The following DENND4B variants were observed in gnomAD, a reference collection of about 807,000 sequenced individuals.
The protein encoded by DENND4B is DENN domain containing 4B.
A neutral mutation model predicts 161.0 loss-of-function variants in DENND4B; 67 were observed. The ratio of observed to expected loss-of-function variants is 0.42; its 90% CI spans 0.34 to 0.51. The LOEUF is 0.51. DENND4B is among the 20% of genes least tolerant of loss of function. The probability of loss-of-function intolerance (pLI) is 0.08; values close to 1 mark genes in which losing one functional copy is unlikely to be tolerated. For missense variants in DENND4B, 1,481 were observed against 1,968.0 expected, an observed-to-expected ratio of 0.75 and a Z score of 4.68; for synonymous variants, 753 against 813.8, an observed-to-expected ratio of 0.93 and a Z score of 1.27.
chr1:153,941,817 G>A, intron 6 of DENND4B, 52 bp downstream of exon 6: 1 of 1,544,626 alleles, frequency 6.5e-7, no homozygotes, highest in Non-Finnish European at 8.7e-7. Context: ...ATCTCTCCTG[G>A]CCCCCTTATC....
In DENND4B at chr1:153,936,840, G is replaced by T; in HGVS notation, c.2233-92C>A. ...TATTTATTTATGACGGTCTCGCTCT[G>T]TCACCCAGGCTGGAGTGCAGTGGCG... On this transcript the variant is annotated intron_variant, in intron 15 of 27. Transcript: ENST00000361217. This position sits in a 1 kb window ranked among gnomAD's most constrained non-coding sequence, Gnocchi z 4.1. 7.7e-7 allele frequency: 1 copy of T among 1,303,178 alleles called. No individual in the cohort carries two copies. The highest frequency in any genetic ancestry group is 1.0e-6 in the Non-Finnish European group (1 of 980,406). 80.7% of individuals were successfully genotyped at this position (1,303,178 alleles called of 1,614,324 possible).
In DENND4B at chr1:153,933,098, C is replaced by T. The variant is rs767966211; in HGVS notation, c.3454-68G>A. 5.0e-6 allele frequency: 8 copies of T among 1,610,190 alleles called. No homozygotes were observed. The highest frequency in any genetic ancestry group is 6.8e-6 in the Non-Finnish European group (8 of 1,177,308). On this transcript the variant is annotated intron_variant, in intron 21 of 27. Transcript: ENST00000361217. The surrounding 1 kb of genome is among the most constrained non-coding windows in gnomAD (Gnocchi z 5.7). The stretch of plus-strand genomic sequence containing the variant: ...CAGCACTCTGGAGCCCATGCCCCTT[C>T]CCCAGCCCCTCCCACCTCCTCCCCA...
At position 153,944,200 on chromosome 1, in the gene DENND4B, C is replaced by T. The variant is rs533644708; in HGVS notation, c.175G>A (p.Glu59Lys). The change falls in exon 2 of 28, where the codon GAG becomes AAG. Residue 59 changes from glutamate to lysine, a missense_variant. Physicochemically the swap from Glu to Lys is moderately conservative, Grantham distance 56. Coordinates refer to ENST00000361217, the MANE Select transcript of DENND4B (RefSeq NM_014856.3). The surrounding 1 kb of genome is among the most constrained non-coding windows in gnomAD (Gnocchi z 4.8). ...DVAVIARALG[E>K]EVPQGYTCIQ... ...CATGTGTAGCCCTGGGGCACTTCCT[C>T]GCCCAGTGCCCTAGCGATGACTGCC... 3.7e-6 allele frequency: 6 copies of T among 1,610,752 alleles called. No individual in the cohort carries two copies. Among genetic ancestry groups the T allele is most frequent in the African/African-American group, 2.7e-5 (2 of 74,952 alleles).
Position 153,930,368 on chromosome 1 carries a change from G to A in DENND4B, c.4420C>T (p.Arg1474Trp), listed in dbSNP as rs922096092. 20 of 1,613,876 alleles carry A rather than the reference G, an allele frequency of 1.2e-5. No individual in the cohort carries two copies. Among genetic ancestry groups the A allele is most frequent in the Non-Finnish European group, 1.6e-5 (19 of 1,179,900 alleles). Residue 1474 changes from arginine to tryptophan, a missense_variant, in exon 28 of 28, where the codon CGG becomes TGG. Around this residue, in one of 3 missense-constraint regions of DENND4B, gnomAD observed 336 missense variants for 503.3 expected, o/e 0.67. Coordinates refer to ENST00000361217, the MANE Select transcript of DENND4B (RefSeq NM_014856.3). This position sits in a 1 kb window ranked among gnomAD's most constrained non-coding sequence, Gnocchi z 4.7. Reference protein sequence around the residue: ...SSMGKEELRHRRAQMPTPKAI... With the variant: ...SSMGKEELRHWRAQMPTPKAI... ...TTGGGAGTGGGCATCTGCGCCCGCC[G>A]GTGCCTCAGCTCCTCCTTGCCCATG...
rs770832731 is a variant in DENND4B at position 153,944,376 on chromosome 1, G to GC, written c.-3dup. On this transcript the variant is annotated 5_prime_UTR_variant, in exon 2 of 28. Coordinates refer to ENST00000361217, the MANE Select transcript of DENND4B (RefSeq NM_014856.3). The surrounding 1 kb of genome is among the most constrained non-coding windows in gnomAD (Gnocchi z 4.8). ...CCGGGGGGGCCGCTCCTCCGCCATG[G>GC]CCCCCCCCTCACTCACTGCATCTGG... 1.1e-4 allele frequency: 176 copies of GC among 1,599,312 alleles called. No homozygotes were observed. The highest frequency in any genetic ancestry group is 1.4e-4 in the Admixed American group (8 of 58,130).
chr1:153,940,392 C>T lies in DENND4B; in HGVS notation c.1502+39G>A. On this transcript the variant is annotated intron_variant, in intron 10 of 27. Transcript: ENST00000361217. This position sits in a 1 kb window ranked among gnomAD's most constrained non-coding sequence, Gnocchi z 5.6. ...CTCCACACACTAGCCCATTCCTGCC[C>T]ACCACCCTGCAGCCCCCAAATGAGA... 6.2e-7 allele frequency: 1 copy of T among 1,600,386 alleles called. No homozygotes were observed. The highest frequency in any genetic ancestry group is 8.5e-7 in the Non-Finnish European group (1 of 1,172,874).
Position 153,933,445 on chromosome 1 carries a change from C to G in DENND4B, c.3330+38G>C. The G allele has an allele frequency of 1.3e-6, 2 of 1,588,940 alleles. No individual in the cohort carries two copies. Among genetic ancestry groups the G allele is most frequent in the Non-Finnish European group, 1.7e-6 (2 of 1,167,746 alleles). On this transcript the variant is annotated intron_variant, in intron 20 of 27. Coordinates refer to ENST00000361217, the MANE Select transcript of DENND4B (RefSeq NM_014856.3). The surrounding 1 kb of genome is among the most constrained non-coding windows in gnomAD (Gnocchi z 5.7). ...CAGTCGTAGCCCCTCCCCAAGCCCA[C>G]TAATGCTAAGGCATCTGGACCCTCC...
upstream of DENND4B, among the ~76,000 whole-genome samples, chr1:153,946,877 A>G (rs555571938): frequency 3.3e-5 from 5 of 152,286 alleles, no homozygotes; most frequent in East Asian, 9.7e-4. This position sits in a 1 kb window ranked among gnomAD's most constrained non-coding sequence, Gnocchi z 6.3. Context: ...CTGCAGTCAG[A>G]TGTGGCAAGC....
Position 153,930,854 on chromosome 1 carries a change from T to C in DENND4B, c.4118A>G (p.Gln1373Arg). Residue 1373 changes from glutamine to arginine, a missense_variant, in exon 26 of 28, where the codon CAG becomes CGG. By Grantham distance (43) the Gln-to-Arg change is conservative. Coordinates refer to ENST00000361217, the MANE Select transcript of DENND4B (RefSeq NM_014856.3). The surrounding 1 kb of genome is among the most constrained non-coding windows in gnomAD (Gnocchi z 4.7). Reference sequence around the variant, plus strand: ...TGGCCATACCACCCGCTGGGGGATCTGGCCTGGATGAAAGGAAAGAAGGCC... The same window carrying C: ...TGGCCATACCACCCGCTGGGGGATCCGGCCTGGATGAAAGGAAAGAAGGCC... ...PLYVLWRVHS[Q>R]IPQRVVWPGP... The C allele has an allele frequency of 6.3e-7, 1 of 1,596,442 alleles. No homozygotes were observed. Among genetic ancestry groups the C allele is most frequent in the Non-Finnish European group, 8.5e-7 (1 of 1,171,734 alleles).
chr1:153,944,633 CCA>C lies in DENND4B; in HGVS notation c.-23-238_-23-237del, dbSNP rs1679864585. Among the ~76,000 whole-genome samples, 1 of 152,208 alleles carries C rather than the reference CCA, an allele frequency of 6.6e-6. No homozygotes were observed. Among genetic ancestry groups the C allele is most frequent in the South Asian group, 2.1e-4 (1 of 4,834 alleles). ...CTCCCCTCAAAGAACCTAAACTCCA[CCA>C]CACACAGCTAACCTGAGCTATGACA... On this transcript the variant is annotated intron_variant, in intron 1 of 27. Transcript: ENST00000361217. This position sits in a 1 kb window ranked among gnomAD's most constrained non-coding sequence, Gnocchi z 4.8.
In DENND4B at chr1:153,934,230, C is replaced by T. The variant is rs1341377559; in HGVS notation, c.2846G>A (p.Arg949Lys). The T allele has an allele frequency of 6.2e-7, 1 of 1,603,288 alleles. No homozygotes were observed. The highest frequency in any genetic ancestry group is 1.3e-5 in the African/African-American group (1 of 74,670). Reference protein sequence around the residue: ...RQTTWAGRSLRDPASPPGRLV... With the variant: ...RQTTWAGRSLKDPASPPGRLV... Reference sequence around the variant, plus strand: ...GCGTCCAGGGGGTGAGGCTGGGTCTCTCAGACTTCGCCCAGCCCAAGTAGT... The same window carrying T: ...GCGTCCAGGGGGTGAGGCTGGGTCTTTCAGACTTCGCCCAGCCCAAGTAGT... Residue 949 changes from arginine to lysine, a missense_variant, in exon 19 of 28, where the codon AGA becomes AAA. This residue lies in a region of DENND4B where 339 missense variants were observed against 330.3 expected (regional missense o/e 1.03). Coordinates refer to ENST00000361217, the MANE Select transcript of DENND4B (RefSeq NM_014856.3). This position sits in a 1 kb window ranked among gnomAD's most constrained non-coding sequence, Gnocchi z 5.3.
In DENND4B at chr1:153,944,903, C is replaced by T. The variant is rs1008492297; in HGVS notation, c.-23-506G>A. The stretch of plus-strand genomic sequence containing the variant: ...GTTTTTAAGAGGACCCCATGGGTTT[C>T]TGAGAAAGCCCACAAAACCCAAGCT... On this transcript the variant is annotated intron_variant, in intron 1 of 27. Coordinates refer to ENST00000361217, the MANE Select transcript of DENND4B (RefSeq NM_014856.3). The surrounding 1 kb of genome is among the most constrained non-coding windows in gnomAD (Gnocchi z 4.8). Among the ~76,000 whole-genome samples the T allele has an allele frequency of 6.6e-6, 1 of 152,212 alleles. No homozygotes were observed. Among genetic ancestry groups the T allele is most frequent in the Non-Finnish European group, 1.5e-5 (1 of 68,040 alleles).
rs760140785 is a variant in DENND4B, at chr1:153,939,641, G to T, written c.1767C>A (p.Thr589=). Residue 589 remains threonine (T), a synonymous_variant, in exon 12 of 28, where the codon ACC becomes ACA. Coordinates refer to ENST00000361217, the MANE Select transcript of DENND4B (RefSeq NM_014856.3). ...KGYRVFLRPL[T]QAPSEGARDV... ...CACGAGCTCCCTCGGAGGGGGCCTG[G>T]GTGAGTGGGCGCAGGAAGACCCGGT... 6.2e-7 allele frequency: 1 copy of T among 1,613,512 alleles called. No individual in the cohort carries two copies. Among genetic ancestry groups the T allele is most frequent in the African/African-American group, 1.3e-5 (1 of 74,910 alleles).
chr1:153,939,595 G>A lies in DENND4B; in HGVS notation c.1813C>T (p.Leu605=). The change falls in exon 12 of 28, where the codon CTG becomes TTG. Residue 605 remains leucine (L), a synonymous_variant. Transcript: ENST00000361217. ...GARDVDNLFF[L]QGFLKSRERS... ...AGAGACAGGCCCTCTATACCCTGCA[G>A]GAAGAAAAGGTTGTCAACATCACGA... 1 of 1,607,818 alleles carries A rather than the reference G, an allele frequency of 6.2e-7. No homozygotes were observed. Among genetic ancestry groups the A allele is most frequent in the South Asian group, 1.1e-5 (1 of 90,822 alleles).
rs1487016546 is a variant in DENND4B at position 153,937,715 on chromosome 1, G to C, written c.2105+9C>G. 14 of 1,614,068 alleles carry C rather than the reference G, an allele frequency of 8.7e-6. No homozygotes were observed. Among genetic ancestry groups the C allele is most frequent in the Non-Finnish European group, 1.2e-5 (14 of 1,179,906 alleles). ...ACCCTGGAACATGTGAAGGCTAAGA[G>C]ACTCTCACCAGTACTGGGGAGTGGA... On this transcript the variant is annotated intron_variant, in intron 14 of 27. Transcript: ENST00000361217. This position sits in a 1 kb window ranked among gnomAD's most constrained non-coding sequence, Gnocchi z 4.7.
rs933956156 is a variant in DENND4B, at chr1:153,940,710, G to A, written c.1327-104C>T. On this transcript the variant is annotated intron_variant, in intron 9 of 27. Transcript: ENST00000361217. The surrounding 1 kb of genome is among the most constrained non-coding windows in gnomAD (Gnocchi z 5.6). Reference sequence around the variant, plus strand: ...CATTGGCCTTGGGGAGTTGGTGCCTGTTGAGAGAGGCTGTTGGAAGTAGGC... The same window carrying A: ...CATTGGCCTTGGGGAGTTGGTGCCTATTGAGAGAGGCTGTTGGAAGTAGGC... 1.4e-5 allele frequency: 21 copies of A among 1,481,524 alleles called. No homozygotes were observed. In the African/African-American group the frequency reaches 2.4e-4, roughly 17 times the overall value. 91.8% of individuals were successfully genotyped at this position (1,481,524 alleles called of 1,614,324 possible).
rs1460496829 is a variant in DENND4B at position 153,934,335 on chromosome 1, C to T, written c.2774-33G>A. On this transcript the variant is annotated intron_variant, in intron 18 of 27. Transcript: ENST00000361217. This position sits in a 1 kb window ranked among gnomAD's most constrained non-coding sequence, Gnocchi z 5.3. ...AGACGAGAAGGGGTTTAGAGGCGGCCAGCTAGGAACCCAGTCCCCTGTTCC... is the reference window on the plus strand; with the variant it reads ...AGACGAGAAGGGGTTTAGAGGCGGCTAGCTAGGAACCCAGTCCCCTGTTCC... 2 of 1,543,058 alleles carry T rather than the reference C, an allele frequency of 1.3e-6. No individual in the cohort carries two copies. The highest frequency in any genetic ancestry group is 1.7e-6 in the Non-Finnish European group (2 of 1,150,184).
chr1:153,939,908 C>T (rs1347407783), intron 11 of DENND4B, 104 bp from the exon 12 acceptor site: 8 of 1,146,024 alleles, frequency 7.0e-6, no homozygotes, highest in African/African-American at 1.5e-5. Flanking sequence ...GCAGACCTTG[C>T]ACCAGTAGCA....
At chr1:153,939,542 C>T (rs889301309) in intron 12 of DENND4B, 47 bp downstream of exon 12, 6 of 1,552,502 alleles carry the variant, frequency 3.9e-6, no homozygotes, top group Admixed American at 3.6e-5. Flanking sequence ...AGCCCCTCGC[C>T]ACCTCCTCCC....
Sources: allele counts gnomAD v4.1 joint callset (sites outside exome capture counted in the v4.1 genomes callset), GRCh38; gene constraint gnomAD v4.1.1; regional missense constraint gnomAD v4.1.1; non-coding constraint Gnocchi (gnomAD v3.1); transcripts MANE v1.5; gene names NCBI Gene and HGNC (gene_info 2026-07-23, HGNC 2026-07-21).